Variants in ATP6V1H observed in about 807,000 individuals in gnomAD.
The protein encoded by ATP6V1H is V-type proton ATPase subunit H.
A neutral mutation model predicts 71.7 loss-of-function variants in ATP6V1H; 39 were observed. The observed-to-expected ratio is 0.54, with a 90% CI of 0.42 to 0.71. The LOEUF (loss-of-function observed/expected upper bound fraction) is 0.71, where lower values mean the gene tolerates loss of function less well. Among genes scored for constraint, ATP6V1H ranks in the 30% least tolerant of loss-of-function variants. The probability of loss-of-function intolerance (pLI) is 0.00; values close to 1 mark genes in which losing one functional copy is unlikely to be tolerated. For missense variants in ATP6V1H, 509 were observed against 594.9 expected, an observed-to-expected ratio of 0.86 and a Z score of 1.50; for synonymous variants, 192 against 199.3, an observed-to-expected ratio of 0.96 and a Z score of 0.31.
At chr8:53,732,902 C>T (rs954856905) in intron 13 of ATP6V1H, among the ~76,000 whole-genome samples, 2 of 151,978 alleles carry the variant, frequency 1.3e-5, no homozygotes, top group Admixed American at 1.3e-4. Flanking sequence ...ATCAGAGCCG[C>T]GAGAGGCCAG....
At chr8:53,811,325 A>C in intron 6 of ATP6V1H, 108 bp from the exon 7 acceptor site, 1 of 832,934 alleles carries the variant, frequency 1.2e-6, no homozygotes, top group Non-Finnish European at 1.9e-6. Flanking sequence ...CTATGTAATA[A>C]TTTTTCCCCT....
intron 13 of ATP6V1H, among the ~76,000 whole-genome samples, chr8:53,718,781 C>T (rs1806518601): frequency 6.6e-6 from 1 of 152,186 alleles, no homozygotes; most frequent in African/African-American, 2.4e-5. Flanking sequence ...AAATCAGCAC[C>T]TCCTTTCTTC....
intron 9 of ATP6V1H, among the ~76,000 whole-genome samples, chr8:53,791,404 G>A (rs374214860): frequency 6.6e-6 from 1 of 152,142 alleles, no homozygotes; most frequent in Non-Finnish European, 1.5e-5. Flanking sequence ...CAGAGTGGTA[G>A]GGGCAAAAGA....
In ATP6V1H at chr8:53,837,979, T is replaced by C. The variant is rs146485032; in HGVS notation, c.113+3599A>G. Among the ~76,000 whole-genome samples the C allele has an allele frequency of 8.3e-3, 1,264 of 152,154 alleles. 7 individuals carry two copies. Among genetic ancestry groups the C allele is most frequent in the Non-Finnish European group, 0.013 (861 of 68,004 alleles). On this transcript the variant is annotated intron_variant, in intron 2 of 13. Transcript: ENST00000359530. ...CCCCAAGGTTTTTGGCCTCCGAAGC[T>C]GGTAAATGAAGAAGCCTGGAGAGAG...
At chr8:53,804,400 C>T (rs1235580129) in intron 7 of ATP6V1H, among the ~76,000 whole-genome samples, 1 of 152,180 alleles carries the variant, frequency 6.6e-6, no homozygotes, top group East Asian at 1.9e-4. Context: ...GTTGGCCAGG[C>T]ACAGTGGCTC....
chr8:53,749,740 C>CT (rs1377161740), intron 12 of ATP6V1H, among the ~76,000 whole-genome samples: 1 of 145,536 alleles, frequency 6.9e-6, no homozygotes, highest in East Asian at 2.3e-4. Flanking sequence ...TGCCAGACTC[C>CT]TTTAAAAAAA....
chr8:53,743,485 G>T, intron 13 of ATP6V1H, 92 bp downstream of exon 13: 1 of 854,858 alleles, frequency 1.2e-6, no homozygotes, highest in South Asian at 1.5e-5. Flanking sequence ...TTTTAAAAAT[G>T]ATCATTCAAA....
At chr8:53,722,831 A>C (rs1344622746) in intron 13 of ATP6V1H, among the ~76,000 whole-genome samples, 3 of 152,198 alleles carry the variant, frequency 2.0e-5, no homozygotes, top group Non-Finnish European at 4.4e-5. Flanking sequence ...TGCTCAAACA[A>C]AATTTAAAGT....
intron 12 of ATP6V1H, among the ~76,000 whole-genome samples, chr8:53,750,715 T>C (rs1807763147): frequency 6.6e-6 from 1 of 152,044 alleles, no homozygotes; most frequent in African/African-American, 2.4e-5. Flanking sequence ...ATTCTGACAC[T>C]TCATTCCTGA....
At chr8:53,788,924 G>A (rs1307585198) in intron 9 of ATP6V1H, among the ~76,000 whole-genome samples, 13 of 152,210 alleles carry the variant, frequency 8.5e-5, no homozygotes, top group South Asian at 2.1e-4. Flanking sequence ...TTTGTATACC[G>A]TAAACACAGT....
At chr8:53,768,242 ACACT>A (rs1164405306) in intron 11 of ATP6V1H, among the ~76,000 whole-genome samples, 4 of 152,200 alleles carry the variant, frequency 2.6e-5, no homozygotes, top group African/African-American at 7.2e-5. Flanking sequence ...ATATCACTGC[ACACT>A]CACTCAGTGT....
intron 13 of ATP6V1H, among the ~76,000 whole-genome samples, chr8:53,738,908 A>C (rs961245869): frequency 3.3e-5 from 5 of 152,250 alleles, no homozygotes; most frequent in African/African-American, 1.2e-4. Flanking sequence ...GCTGTAAAAA[A>C]TTCCTCTTTA....
chr8:53,773,444 T>C (rs539820414), intron 9 of ATP6V1H, among the ~76,000 whole-genome samples: 1 of 151,916 alleles, frequency 6.6e-6, no homozygotes, highest in South Asian at 2.1e-4. Context: ...AAACAGTAAA[T>C]AGAAGCAGAC....
At chr8:53,800,037 C>T (rs916203495) in intron 8 of ATP6V1H, among the ~76,000 whole-genome samples, 3 of 152,180 alleles carry the variant, frequency 2.0e-5, no homozygotes, top group African/African-American at 7.2e-5. Context: ...GTGTTTTAGG[C>T]ACAGTGTGTC....
At chr8:53,759,535 C>G (rs1038775125) in intron 11 of ATP6V1H, among the ~76,000 whole-genome samples, 2 of 152,222 alleles carry the variant, frequency 1.3e-5, no homozygotes, top group African/African-American at 4.8e-5. Flanking sequence ...CAACACACCA[C>G]AGCTCTGTAG....
intron 9 of ATP6V1H, among the ~76,000 whole-genome samples, chr8:53,773,345 C>T (rs547901254): frequency 1.3e-5 from 2 of 152,176 alleles, no homozygotes; most frequent in East Asian, 1.9e-4. Context: ...CACTCAGGTA[C>T]GATGGATTTA....
At chr8:53,755,205 C>A (rs1807961382) in intron 12 of ATP6V1H, among the ~76,000 whole-genome samples, 1 of 152,058 alleles carries the variant, frequency 6.6e-6, no homozygotes, top group Non-Finnish European at 1.5e-5. Context: ...CATTGATGTC[C>A]CTACCTCCCC....
At chr8:53,777,192 A>G (rs1209594561) in intron 9 of ATP6V1H, among the ~76,000 whole-genome samples, 2 of 152,228 alleles carry the variant, frequency 1.3e-5, no homozygotes, top group African/African-American at 4.8e-5. Flanking sequence ...ATCTTTAGCA[A>G]AAGATGCAAC....
rs75370855 is a variant in ATP6V1H at position 53,833,193 on chromosome 8, G to C, written c.114-107C>G. On this transcript the variant is annotated intron_variant, in intron 2 of 13. Coordinates refer to ENST00000359530, the MANE Select transcript of ATP6V1H (RefSeq NM_015941.4). ...TCTCTCCTTGGCAGCAAACCACAAG[G>C]GCTGACGCAAGGGCCCTGGCATCAG... 1,035 of 804,138 alleles carry C rather than the reference G, an allele frequency of 1.3e-3. 6 individuals carry two copies. The African/African-American group carries it at 0.015, about 12-fold the overall frequency. 49.8% of individuals were successfully genotyped at this position (804,138 alleles called of 1,614,324 possible).
Sources: allele counts gnomAD v4.1 joint callset (sites outside exome capture counted in the v4.1 genomes callset), GRCh38; gene constraint gnomAD v4.1.1; transcripts MANE v1.5; gene names NCBI Gene and HGNC (gene_info 2026-07-23, HGNC 2026-07-21).